Variants in POLR2B observed in about 807,000 individuals in gnomAD.
POLR2B encodes the protein RNA polymerase II subunit B.
Under a neutral mutation model 144.6 loss-of-function variants are expected in POLR2B, and 57 were observed. The observed-to-expected ratio is 0.39, with a 90% confidence interval of 0.32 to 0.49. The LOEUF (loss-of-function observed/expected upper bound fraction) is 0.49. POLR2B is among the 20% of genes least tolerant of loss of function. The pLI is 0.83. For missense variants in POLR2B, 595 were observed against 1,467.4 expected, an observed-to-expected ratio of 0.41 and a Z score of 9.71; for synonymous variants, 442 against 469.8, an observed-to-expected ratio of 0.94 and a Z score of 0.77.
chr4:56,979,096 T>C, intron 1 of POLR2B, 92 bp downstream of exon 1: 1 of 1,301,326 alleles, frequency 7.7e-7, no homozygotes, highest in Non-Finnish European at 1.1e-6. Context: ...GGCCTTCCCA[T>C]GCGCCGGCTG....
At position 56,996,262 on chromosome 4, in the gene POLR2B, G is replaced by GTATA. The variant is rs1162674771; in HGVS notation, c.735+867_735+870dup. On this transcript the variant is annotated intron_variant, in intron 6 of 24. Coordinates refer to ENST00000314595, the MANE Select transcript of POLR2B (RefSeq NM_000938.3). ...TGTATGTATATGTGTGTGTGTGTGT[G>GTATA]TATATATATATATATATTTTTTTTT... 6.5e-4 allele frequency among the ~76,000 whole-genome samples: 58 copies of GTATA among 88,878 alleles called. 1 individual carries two copies. The highest frequency in any genetic ancestry group is 2.0e-3 in the African/African-American group (41 of 21,000). The allele number at this position is 88,878 out of a possible 152,430, so 58.3% of individuals were successfully genotyped here. A position where few individuals can be genotyped will look rare whatever the true frequency, so the allele number is the denominator to read the frequency against.
Position 57,005,555 on chromosome 4 carries a change from CTAAG to C in POLR2B, c.1098-43_1098-40del, listed in dbSNP as rs533453248. ...ATATAAATCAAAAAAAAGTCCAAAACTAAGTGTTTTCCCTCTTTCTTTCTTTCTT... is the reference window on the plus strand; with the variant it reads ...ATATAAATCAAAAAAAAGTCCAAAACTGTTTTCCCTCTTTCTTTCTTTCTT... On this transcript the variant is annotated intron_variant, in intron 8 of 24. Coordinates refer to ENST00000314595, the MANE Select transcript of POLR2B (RefSeq NM_000938.3). The C allele has an allele frequency of 6.4e-4, 982 of 1,543,236 alleles. 13 individuals carry two copies. The South Asian group carries it at 0.011, about 17-fold the overall frequency.
At chr4:56,995,715 G>C in intron 6 of POLR2B, among the ~76,000 whole-genome samples, 1 of 152,178 alleles carries the variant, frequency 6.6e-6, no homozygotes, top group East Asian at 1.9e-4. Flanking sequence ...TTGTCTGCAG[G>C]ATTTAGTTCT....
At chr4:57,025,566 T>A in intron 23 of POLR2B, 29 bp downstream of exon 23, 2 of 1,441,748 alleles carry the variant, frequency 1.4e-6, no homozygotes, top group Non-Finnish European at 1.9e-6. Flanking sequence ...TCATTATTAT[T>A]AATTAACCTT....
intron 2 of POLR2B, among the ~76,000 whole-genome samples, chr4:56,988,632 C>G (rs1722408078): frequency 6.6e-6 from 1 of 152,060 alleles, no homozygotes. Context: ...TATCTTTTGC[C>G]ACCTATAGCT....
intron 6 of POLR2B, 66 bp downstream of exon 6, chr4:56,995,475 T>A (rs1360370453): frequency 8.5e-7 from 1 of 1,178,460 alleles, no homozygotes; most frequent in Non-Finnish European, 1.2e-6. Flanking sequence ...TTTACTAGAC[T>A]GCCTTCTTTG....
intron 1 of POLR2B, among the ~76,000 whole-genome samples, chr4:56,980,334 A>C (rs1344658713): frequency 6.6e-6 from 1 of 152,162 alleles, no homozygotes; most frequent in Non-Finnish European, 1.5e-5. Context: ...CTACTATCTC[A>C]GTAGAAGAAA....
intron 2 of POLR2B, among the ~76,000 whole-genome samples, chr4:56,987,846 C>T (rs1055364685): frequency 5.9e-5 from 9 of 151,678 alleles, no homozygotes; most frequent in Admixed American, 5.9e-4. Flanking sequence ...GATGTCACTG[C>T]ACTCCAGCCT....
At chr4:56,986,794 C>CA (rs34549456) in intron 2 of POLR2B, 4,847 of 139,890 alleles carry the variant, frequency 0.035, 84 homozygotes, top group Middle Eastern at 0.058. Flanking sequence ...ACCCTGTTTC[C>CA]AAAAAAAAAA....
intron 18 of POLR2B, 44 bp downstream of exon 18, chr4:57,022,290 T>G: frequency 1.5e-5 from 18 of 1,223,702 alleles, no homozygotes; most frequent in Non-Finnish European, 2.2e-5. Context: ...AAAGTTAACT[T>G]ACTGTGGTTT....
Position 57,010,330 on chromosome 4 carries a change from C to T in POLR2B, c.1405-31C>T, listed in dbSNP as rs73819062. The stretch of plus-strand genomic sequence containing the variant: ...TAATAGTATGAATCACAGAAATGTC[C>T]AGACTTTAAAGATTGGCTATTTTTT... On this transcript the variant is annotated intron_variant, in intron 10 of 24. Transcript: ENST00000314595. 5.6e-4 allele frequency: 898 copies of T among 1,606,904 alleles called. 3 individuals carry two copies. The African/African-American group carries it at 0.01, about 19-fold the overall frequency.
At chr4:57,019,512 C>T (rs1216312851) in intron 16 of POLR2B, among the ~76,000 whole-genome samples, 1 of 152,006 alleles carries the variant, frequency 6.6e-6, no homozygotes, top group Non-Finnish European at 1.5e-5. Flanking sequence ...GCCCATCGTA[C>T]CATTTTTAAA....
intron 2 of POLR2B, among the ~76,000 whole-genome samples, chr4:56,989,607 G>A (rs1453943130): frequency 6.6e-6 from 1 of 152,216 alleles, no homozygotes; most frequent in East Asian, 1.9e-4. Context: ...TTAGAAAATT[G>A]ATGTGAAGAT....
chr4:57,021,523 G>A (rs1221554274), intron 17 of POLR2B, among the ~76,000 whole-genome samples: 1 of 106,036 alleles, frequency 9.4e-6, no homozygotes, highest in African/African-American at 3.7e-5. Context: ...GAGTCTTTCT[G>A]TTGCCAAGAC....
rs538941111 is a variant in POLR2B at position 56,978,916 on chromosome 4, C to A, written c.-70C>A. ...AAGTTACTTCGTCTTTAGCTCCTGG[C>A]GCTGCTGGCTTCTGGGCGGTTTTTG... On this transcript the variant is annotated 5_prime_UTR_variant, in exon 1 of 25. Transcript: ENST00000314595. 8 of 1,445,064 alleles carry A rather than the reference C, an allele frequency of 5.5e-6. No homozygotes were observed. The highest frequency in any genetic ancestry group is 4.5e-5 in the East Asian group (2 of 44,078). The allele number at this position is 1,445,064 out of a possible 1,614,324, so 89.5% of individuals were successfully genotyped here. A position where few individuals can be genotyped will look rare whatever the true frequency, so the allele number is the denominator to read the frequency against.
intron 3 of POLR2B, among the ~76,000 whole-genome samples, chr4:56,993,489 A>G (rs1322755136): frequency 2.0e-5 from 3 of 152,146 alleles, no homozygotes; most frequent in Non-Finnish European, 4.4e-5. Context: ...CCAGCTTGGG[A>G]GACTTGAGTG....
intron 3 of POLR2B, among the ~76,000 whole-genome samples, chr4:56,993,651 T>A (rs1414239598): frequency 6.6e-6 from 1 of 152,168 alleles, no homozygotes; most frequent in African/African-American, 2.4e-5. Context: ...AATTGAAAAA[T>A]TTCTTTTTTT....
At chr4:57,009,060 C>T (rs1186525486) in intron 10 of POLR2B, among the ~76,000 whole-genome samples, 2 of 151,904 alleles carry the variant, frequency 1.3e-5, no homozygotes, top group African/African-American at 4.8e-5. Context: ...GTTGCAACAG[C>T]CTGGGGTGAG....
intron 23 of POLR2B, among the ~76,000 whole-genome samples, chr4:57,028,977 C>T (rs1487955686): frequency 6.6e-6 from 1 of 152,046 alleles, no homozygotes; most frequent in African/African-American, 2.4e-5. Flanking sequence ...TTTTTTTCCC[C>T]TTGTAATTTG....
Sources: allele counts gnomAD v4.1 joint callset (sites outside exome capture counted in the v4.1 genomes callset), GRCh38; gene constraint gnomAD v4.1.1; transcripts MANE v1.5; gene names NCBI Gene and HGNC (gene_info 2026-07-23, HGNC 2026-07-21).